KHDRBS2: variants seen among roughly 807,000 people sequenced by gnomAD.
KHDRBS2 encodes KH RNA binding domain containing, signal transduction associated 2.
KHDRBS2 carries 26 observed loss-of-function variants against 44.3 expected under a neutral mutation model. The observed-to-expected ratio is 0.59, with a 90% CI of 0.43 to 0.81. The LOEUF (loss-of-function observed/expected upper bound fraction) is 0.81, where lower values mean the gene tolerates loss of function less well. Ranked by LOEUF, KHDRBS2 falls within the 40% of genes least tolerant of loss-of-function variation. The pLI, the probability that KHDRBS2 is intolerant of heterozygous loss-of-function variation, is 0.00. For synonymous variants in KHDRBS2, 194 were observed against 151.1 expected (o/e 1.28, Z -2.08); for missense variants, 476 against 433.1 (o/e 1.10, Z -0.88).
chr6:61,671,439 C>T, the KHDRBS2 span, among the ~76,000 whole-genome samples: 1 of 151,678 alleles, frequency 6.6e-6, no homozygotes, highest in Non-Finnish European at 1.5e-5. Context: ...AATCAGACAA[C>T]TATTTCTCCT....
chr6:61,955,652 ATG>A (rs1374192599), intron 4 of KHDRBS2, among the ~76,000 whole-genome samples: 10 of 146,972 alleles, frequency 6.8e-5, no homozygotes, highest in African/African-American at 1.2e-4. Context: ...GTATGTATGT[ATG>A]CATATATGTG....
intron 1 of KHDRBS2, among the ~76,000 whole-genome samples, chr6:62,283,470 C>A (rs1397425414): frequency 6.6e-6 from 1 of 152,070 alleles, no homozygotes; most frequent in East Asian, 1.9e-4. Context: ...TCCGGAAAAT[C>A]ATTCTGAAGA....
At chr6:61,554,718 G>A in the KHDRBS2 span, among the ~76,000 whole-genome samples, 241 of 152,216 alleles carry the variant, frequency 1.6e-3, no homozygotes, top group Non-Finnish European at 2.6e-3. Flanking sequence ...AGCAAAATCC[G>A]ATAGCATTTA....
chr6:62,277,355 T>C (rs2150193670), intron 1 of KHDRBS2, among the ~76,000 whole-genome samples: 1 of 152,276 alleles, frequency 6.6e-6, no homozygotes, highest in African/African-American at 2.4e-5. Context: ...TTTTGTTTTG[T>C]TTTTGAGACG....
chr6:61,791,077 T>C (rs1784568692), intron 6 of KHDRBS2, among the ~76,000 whole-genome samples: 1 of 151,458 alleles, frequency 6.6e-6, no homozygotes, highest in South Asian at 2.1e-4. Flanking sequence ...TATTCATTAT[T>C]TTAATGTCCA....
chr6:61,894,706 C>G lies in KHDRBS2; in HGVS notation c.739G>C (p.Ala247Pro), dbSNP rs748511163. 5.6e-6 allele frequency: 9 copies of G among 1,613,390 alleles called. No individual in the cohort carries two copies. Among genetic ancestry groups the G allele is most frequent in the African/African-American group, 1.3e-5 (1 of 74,870 alleles). The change falls in exon 6 of 9, where the codon GCC becomes CCC. Residue 247 changes from alanine (A) to proline (P), a missense_variant. Physicochemically the swap from Ala to Pro is conservative, Grantham distance 27 (BLOSUM62 -1). Coordinates refer to ENST00000281156, the MANE Select transcript of KHDRBS2 (RefSeq NM_152688.4). ...CCTGGCACTGTTGGTGCCCCCCGGG[C>G]TCGAGGGGTAGGGACACCTCTTGCT... ...PVARGVPTPR[A>P]RGAPTVPGYR...
intron 8 of KHDRBS2, 32 bp from the exon 9 acceptor site, chr6:61,681,092 A>T (rs758770292): frequency 1.4e-6 from 2 of 1,441,384 alleles, no homozygotes; most frequent in East Asian, 4.6e-5. Context: ...TAACACACAC[A>T]TGACTTCACA....
intron 2 of KHDRBS2, among the ~76,000 whole-genome samples, chr6:62,070,095 ATGG>A (rs1794639266): frequency 6.6e-6 from 1 of 151,696 alleles, no homozygotes; most frequent in Non-Finnish European, 1.5e-5. Flanking sequence ...TTTAATTACT[ATGG>A]TATATTACAT....
At chr6:61,774,432 A>G (rs920750499) in intron 6 of KHDRBS2, among the ~76,000 whole-genome samples, 2 of 152,144 alleles carry the variant, frequency 1.3e-5, no homozygotes, top group Non-Finnish European at 2.9e-5. Flanking sequence ...TAAGCTGATA[A>G]GCAACTTCAG....
chr6:61,955,384 ATACGTATGTG>A (rs1766613144), intron 4 of KHDRBS2, among the ~76,000 whole-genome samples: 1 of 108,156 alleles, frequency 9.2e-6, no homozygotes, highest in African/African-American at 3.9e-5. Flanking sequence ...ATATATACAC[ATACGTATGTG>A]TATGTATACA....
intron 6 of KHDRBS2, among the ~76,000 whole-genome samples, chr6:61,813,310 T>A (rs1788408914): frequency 6.6e-6 from 1 of 152,090 alleles, no homozygotes; most frequent in South Asian, 2.1e-4. Flanking sequence ...GACAATACTG[T>A]GTTCAGAATT....
intron 3 of KHDRBS2, among the ~76,000 whole-genome samples, chr6:61,989,338 T>G (rs1775678784): frequency 6.6e-6 from 1 of 152,208 alleles, no homozygotes; most frequent in Non-Finnish European, 1.5e-5. Flanking sequence ...TGTGGATGTC[T>G]TGTTCCAAGT....
intron 1 of KHDRBS2, among the ~76,000 whole-genome samples, chr6:62,271,132 C>T (rs535345457): frequency 1.3e-5 from 2 of 152,138 alleles, no homozygotes; most frequent in Admixed American, 1.3e-4. Flanking sequence ...AGTATACATA[C>T]ATATATACAC....
intron 4 of KHDRBS2, among the ~76,000 whole-genome samples, chr6:61,917,616 A>G (rs959073130): frequency 1.3e-5 from 2 of 151,962 alleles, no homozygotes; most frequent in African/African-American, 4.8e-5. Flanking sequence ...ATTCACAATA[A>G]GCCCTAATGT....
At chr6:62,179,601 G>A (rs1164289172) in intron 1 of KHDRBS2, among the ~76,000 whole-genome samples, 1 of 151,804 alleles carries the variant, frequency 6.6e-6, no homozygotes, top group Non-Finnish European at 1.5e-5. Context: ...TCGTAATGTG[G>A]AACACAGTGA....
At chr6:62,034,312 A>G (rs1282417150) in intron 3 of KHDRBS2, among the ~76,000 whole-genome samples, 1 of 151,914 alleles carries the variant, frequency 6.6e-6, no homozygotes, top group Non-Finnish European at 1.5e-5. Context: ...AACGAATACT[A>G]ACAGACTCAT....
chr6:62,060,550 A>G lies in KHDRBS2; in HGVS notation c.220-12556T>C, dbSNP rs1208524003. ...AGATACCAACCTTACAATATACTTA[A>G]TCTCATAATTTGTATAACATTATAA... On this transcript the variant is annotated intron_variant, in intron 2 of 8. Transcript: ENST00000281156. Among the ~76,000 whole-genome samples, 4 of 151,470 alleles carry G rather than the reference A, an allele frequency of 2.6e-5. No individual in the cohort carries two copies. In the Admixed American group the frequency reaches 2.6e-4, roughly 10 times the overall value.
At position 61,876,926 on chromosome 6, in the gene KHDRBS2, T is replaced by C. The variant is rs546001687; in HGVS notation, c.810+17709A>G. ...GTAAATTTGATTCTGATATCTGTCATGAGACCCAAATACAATAGGTGGTAT... is the reference window on the plus strand; with the variant it reads ...GTAAATTTGATTCTGATATCTGTCACGAGACCCAAATACAATAGGTGGTAT... On this transcript the variant is annotated intron_variant, in intron 6 of 8. Coordinates refer to ENST00000281156, the MANE Select transcript of KHDRBS2 (RefSeq NM_152688.4). 1.4e-4 allele frequency among the ~76,000 whole-genome samples: 21 copies of C among 152,202 alleles called. No individual in the cohort carries two copies. The South Asian group carries it at 2.3e-3, about 17-fold the overall frequency.
chr6:62,212,399 A>C (rs990639561), intron 1 of KHDRBS2, among the ~76,000 whole-genome samples: 1 of 152,044 alleles, frequency 6.6e-6, no homozygotes, highest in African/African-American at 2.4e-5. Flanking sequence ...ATAAGGAGGA[A>C]AGGGGAGAGA....
Sources: gnomAD v4.1 joint callset for allele counts (sites outside exome capture counted in the v4.1 genomes callset) on GRCh38, gnomAD v4.1.1 for gene constraint, MANE v1.5 for transcripts, NCBI Gene and HGNC (gene_info 2026-07-23, HGNC 2026-07-21) for gene names.